POFUT1: variants seen among roughly 807,000 people sequenced by gnomAD.
POFUT1 encodes the protein protein O-fucosyltransferase 1.
Under a neutral mutation model 42.4 loss-of-function variants are expected in POFUT1, and 16 were observed. The ratio of observed to expected loss-of-function variants is 0.38; its 90% CI spans 0.26 to 0.57. The LOEUF is 0.57. Ranked by LOEUF, POFUT1 falls within the 20% of genes least tolerant of loss-of-function variation. The pLI is 0.71. For missense variants in POFUT1, 470 were observed against 504.6 expected (o/e 0.93, Z 0.66); for synonymous variants, 206 against 205.4 (o/e 1.00, Z -0.03).
chr20:32,217,371 C>G (rs1348884328), intron 4 of POFUT1: 3 of 1,103,608 alleles, frequency 2.7e-6, no homozygotes, highest in Non-Finnish European at 3.3e-6. Context: ...AGACCATGGG[C>G]TTAGAAGGCA....
rs938089839 is a variant in POFUT1 at position 32,231,356 on chromosome 20, C to G, written c.978+295C>G. On this transcript the variant is annotated intron_variant, in intron 6 of 6. Coordinates refer to ENST00000375749, the MANE Select transcript of POFUT1 (RefSeq NM_015352.2). Reference sequence around the variant, plus strand: ...GTATGAGACTGGTGTAGAAATATGTCTTATTTCCTCCCAGGAGCTGTGGGC... The same window carrying G: ...GTATGAGACTGGTGTAGAAATATGTGTTATTTCCTCCCAGGAGCTGTGGGC... 22 of 379,126 alleles carry G rather than the reference C, an allele frequency of 5.8e-5. No homozygotes were observed. The East Asian group carries it at 6.0e-4, about 10-fold the overall frequency. The allele number at this position is 379,126 out of a possible 1,614,324, so 23.5% of individuals were successfully genotyped here. A position where few individuals can be genotyped will look rare whatever the true frequency, so the allele number is the denominator to read the frequency against.
rs1324528484 is a variant in POFUT1 at position 32,237,718 on chromosome 20, C to G, written c.*3057C>G. 5.8e-6 allele frequency: 3 copies of G among 519,938 alleles called. No individual in the cohort carries two copies. Among genetic ancestry groups the G allele is most frequent in the African/African-American group, 1.9e-5 (1 of 51,540 alleles). The allele number at this position is 519,938 out of a possible 1,614,324, so 32.2% of individuals were successfully genotyped here. On this transcript the variant is annotated 3_prime_UTR_variant, in exon 7 of 7. Transcript: ENST00000375749. ...CATTCTGAAGGACCTCTCTAGCTGGCCAGTGCTGAGGAGGTTGGAGAGAGA... is the reference window on the plus strand; with the variant it reads ...CATTCTGAAGGACCTCTCTAGCTGGGCAGTGCTGAGGAGGTTGGAGAGAGA...
chr20:32,212,505 GTCC>G (rs767806092), intron 2 of POFUT1, among the ~76,000 whole-genome samples: 99 of 152,124 alleles, frequency 6.5e-4, no homozygotes, highest in East Asian at 5.8e-4. Context: ...AGTCTAAGCA[GTCC>G]TCCTGCCTCA....
chr20:32,217,002 C>T, intron 4 of POFUT1: 1 of 1,613,692 alleles, frequency 6.2e-7, no homozygotes, highest in East Asian at 2.2e-5. Flanking sequence ...CAATTTCCTC[C>T]TCTAGGCGTG....
chr20:32,224,221 G>A (rs1197491090), intron 4 of POFUT1, among the ~76,000 whole-genome samples: 1 of 152,038 alleles, frequency 6.6e-6, no homozygotes, highest in African/African-American at 2.4e-5. Context: ...GCGAAAACCC[G>A]TCTCTACTAA....
chr20:32,214,308 A>T (rs1405660660), intron 2 of POFUT1, among the ~76,000 whole-genome samples: 1 of 151,938 alleles, frequency 6.6e-6, no homozygotes, highest in Non-Finnish European at 1.5e-5. Context: ...TATTTTTTGT[A>T]GAGACAGGGT....
rs2047481018 is a variant in POFUT1 at position 32,237,988 on chromosome 20, G to A, written c.*3327G>A. 28 of 375,048 alleles carry A rather than the reference G, an allele frequency of 7.5e-5. 2 individuals carry two copies. Among genetic ancestry groups the A allele is most frequent in the South Asian group, 5.6e-4 (28 of 49,916 alleles). The allele number at this position is 375,048 out of a possible 1,614,324, so 23.2% of individuals were successfully genotyped here. A position where few individuals can be genotyped will look rare whatever the true frequency, so the allele number is the denominator to read the frequency against. The stretch of plus-strand genomic sequence containing the variant: ...AATATATACAATTTAATGTCCTAGT[G>A]TTTTACTTAATAGTGTATCATGTTT... On this transcript the variant is annotated 3_prime_UTR_variant, in exon 7 of 7. Coordinates refer to ENST00000375749, the MANE Select transcript of POFUT1 (RefSeq NM_015352.2).
chr20:32,216,231 G>A (rs1190296949), intron 3 of POFUT1, among the ~76,000 whole-genome samples: 1 of 152,200 alleles, frequency 6.6e-6, no homozygotes, highest in Non-Finnish European at 1.5e-5. Flanking sequence ...GTAAGTGTCT[G>A]ACCCTCAGTG....
chr20:32,231,375 T>C (rs1227602847), intron 6 of POFUT1: 1 of 351,238 alleles, frequency 2.8e-6, no homozygotes, highest in Admixed American at 4.1e-5. Context: ...TCCCAGGAGC[T>C]GTGGGCTCCT....
chr20:32,233,964 C>T (rs2047456145), intron 6 of POFUT1, among the ~76,000 whole-genome samples: 1 of 152,080 alleles, frequency 6.6e-6, no homozygotes, highest in Non-Finnish European at 1.5e-5. Context: ...AGGAGGATCA[C>T]TTGAATCTCA....
intron 2 of POFUT1, among the ~76,000 whole-genome samples, chr20:32,215,028 C>T (rs2047351260): frequency 6.6e-6 from 1 of 152,132 alleles, no homozygotes; most frequent in Non-Finnish European, 1.5e-5. Context: ...GCTGGGACTA[C>T]AGGTGCTCGC....
chr20:32,227,446 C>T (rs943705464), intron 4 of POFUT1, among the ~76,000 whole-genome samples: 1 of 152,178 alleles, frequency 6.6e-6, no homozygotes, highest in Non-Finnish European at 1.5e-5. Context: ...TGCCTTGAGC[C>T]TGGAGGCGGA....
intron 4 of POFUT1, among the ~76,000 whole-genome samples, chr20:32,225,526 C>T (rs1166934029): frequency 2.7e-5 from 4 of 148,670 alleles, no homozygotes; most frequent in East Asian, 2.0e-4. Context: ...TCTCACCCTC[C>T]CACCCTGGCT....
At chr20:32,210,348 A>G (rs1363119565) in intron 2 of POFUT1, among the ~76,000 whole-genome samples, 156 bp downstream of exon 2, 1 of 152,142 alleles carries the variant, frequency 6.6e-6, no homozygotes, top group African/African-American at 2.4e-5. Context: ...AATGCCTAAC[A>G]TTTATTTATC....
intron 4 of POFUT1, among the ~76,000 whole-genome samples, chr20:32,222,297 C>T (rs6119776): frequency 0.2 from 30,543 of 151,958 alleles, 3,497 homozygotes; most frequent in African/African-American, 0.29. Flanking sequence ...AGTGAGACTT[C>T]GCCTCAAAAA....
Position 32,230,919 on chromosome 20 carries a change from C to G in POFUT1, c.836C>G (p.Thr279Arg), listed in dbSNP as rs148668069. 7 of 1,614,220 alleles carry G rather than the reference C, an allele frequency of 4.3e-6. No homozygotes were observed. The East Asian group carries it at 1.1e-4, about 26-fold the overall frequency. The change falls in exon 6 of 7, where the codon ACG (threonine) becomes AGG (arginine). Residue 279 changes from threonine to arginine, a missense_variant. Transcript: ENST00000375749. ...GYSRSTAAPL[T>R]MTMCLPDLKE... ...AGCCGCAGCACAGCGGCCCCCCTCA[C>G]GATGACTATGTGCCTGCCTGACCTG...
rs2047404927 is a variant in POFUT1 at position 32,224,435 on chromosome 20, C to T, written c.543-3828C>T. On this transcript the variant is annotated intron_variant, in intron 4 of 6. Coordinates refer to ENST00000375749, the MANE Select transcript of POFUT1 (RefSeq NM_015352.2). ...AACTAGAGTCTAGCAAGATAAGTGT[C>T]GCACAGCTGGACCATCAAGGAACAC... 3.9e-5 allele frequency among the ~76,000 whole-genome samples: 6 copies of T among 152,050 alleles called. 1 individual carries two copies. The East Asian group carries it at 7.7e-4, about 20-fold the overall frequency.
Position 32,223,468 on chromosome 20 carries a change from G to T in POFUT1, c.543-4795G>T, listed in dbSNP as rs114448824. ...ATTCCAAGTCTGGAATTCACCGAAG[G>T]TTGGCTGCAGGTGCTTTCCAAGAGG... On this transcript the variant is annotated intron_variant, in intron 4 of 6. Transcript: ENST00000375749. 2,721 of 985,378 alleles carry T rather than the reference G, an allele frequency of 2.8e-3. 52 individuals carry two copies. The African/African-American group carries it at 0.04, about 15-fold the overall frequency. 61.0% of individuals were successfully genotyped at this position (985,378 alleles called of 1,614,324 possible).
chr20:32,217,592 A>G (rs530018811), intron 4 of POFUT1: 1 of 986,220 alleles, frequency 1.0e-6, no homozygotes, highest in East Asian at 1.1e-4. Context: ...AGCCCAGGTT[A>G]CAGAGCAAGG....
Sources: allele counts gnomAD v4.1 joint callset (sites outside exome capture counted in the v4.1 genomes callset), GRCh38; gene constraint gnomAD v4.1.1; transcripts MANE v1.5; gene names NCBI Gene and HGNC (gene_info 2026-07-23, HGNC 2026-07-21).